Variants in IGF2BP2 observed in about 807,000 individuals in gnomAD.
IGF2BP2 encodes the protein insulin like growth factor 2 mRNA binding protein 2.
IGF2BP2 carries 17 observed loss-of-function variants against 75.8 expected under a neutral mutation model. The observed-to-expected ratio is 0.22, with a 90% CI of 0.15 to 0.34. The LOEUF is 0.34. Ranked by LOEUF, IGF2BP2 falls within the 10% of genes least tolerant of loss-of-function variation. IGF2BP2 has a pLI of 1.00. For missense variants in IGF2BP2, 516 were observed against 772.4 expected (o/e 0.67, Z 3.93); for synonymous variants, 288 against 295.6 (o/e 0.97, Z 0.26).
chr3:185,781,671 G>C (rs1735217569), intron 2 of IGF2BP2, among the ~76,000 whole-genome samples: 1 of 152,136 alleles, frequency 6.6e-6, no homozygotes, highest in Non-Finnish European at 1.5e-5. Flanking sequence ...TATGGGAAAA[G>C]CTCCTCAATC....
intron 7 of IGF2BP2, among the ~76,000 whole-genome samples, chr3:185,676,274 T>A (rs1719333378): frequency 6.6e-6 from 1 of 152,190 alleles, no homozygotes; most frequent in Admixed American, 6.6e-5. Flanking sequence ...GCCACAGGTC[T>A]CTTTCCCCCT....
At position 185,648,433 on chromosome 3, in the gene IGF2BP2, A is replaced by G. The variant is rs1713980837; in HGVS notation, c.1593+970T>C. The stretch of plus-strand genomic sequence containing the variant: ...AGCACAGATGGCACCACTGCACTCC[A>G]GCCTGGGTGACAAGAGCGAAACTCT... On this transcript the variant is annotated intron_variant, in intron 14 of 15. Transcript: ENST00000382199. Among the ~76,000 whole-genome samples, 3 of 150,622 alleles carry G rather than the reference A, an allele frequency of 2.0e-5. No homozygotes were observed. The South Asian group carries it at 6.4e-4, about 32-fold the overall frequency.
At chr3:185,779,847 A>C (rs4376068) in intron 2 of IGF2BP2, among the ~76,000 whole-genome samples, 62,541 of 152,040 alleles carry the variant, frequency 0.41, 14,475 homozygotes, top group African/African-American at 0.65. Flanking sequence ...TTGCCATTAA[A>C]CAATAAAATG....
chr3:185,779,534 C>T (rs1006861320), intron 2 of IGF2BP2, among the ~76,000 whole-genome samples: 1 of 152,182 alleles, frequency 6.6e-6, no homozygotes, highest in South Asian at 2.1e-4. Flanking sequence ...AAAATAACTT[C>T]CACACAATGC....
chr3:185,749,071 G>A lies in IGF2BP2; in HGVS notation c.240-50724C>T, dbSNP rs1406724267. Among the ~76,000 whole-genome samples the A allele has an allele frequency of 2.0e-5, 3 of 152,172 alleles. No individual in the cohort carries two copies. The East Asian group carries it at 5.8e-4, about 29-fold the overall frequency. On this transcript the variant is annotated intron_variant, in intron 2 of 15. Transcript: ENST00000382199. ...CCCAGCTACTTGGGAGGCTGAGGCA[G>A]GAGAATTGCTTGAACCTGGGAGGCA...
chr3:185,658,283 C>A, intron 11 of IGF2BP2, 58 bp downstream of exon 11: 2 of 1,505,190 alleles, frequency 1.3e-6, no homozygotes, highest in Admixed American at 1.7e-5. Context: ...CACCAAGGGC[C>A]AAGTGGGCCT....
At chr3:185,770,607 T>A (rs1057077009) in intron 2 of IGF2BP2, among the ~76,000 whole-genome samples, 2 of 152,168 alleles carry the variant, frequency 1.3e-5, no homozygotes, top group Non-Finnish European at 2.9e-5. Flanking sequence ...GTCTGTTATG[T>A]TTCCCATAGC....
chr3:185,745,788 A>G lies in IGF2BP2; in HGVS notation c.240-47441T>C, dbSNP rs1318261817. ...ACAGTGCACAGCATAGCTGCTGCCC[A>G]ACAGGTTGAAATATCACTCGCACCA... is the stretch of plus-strand genomic sequence containing the variant. On this transcript the variant is annotated intron_variant, in intron 2 of 15. Transcript: ENST00000382199. 2.1e-5 allele frequency among the ~76,000 whole-genome samples: 3 copies of G among 145,724 alleles called. No individual in the cohort carries two copies. The South Asian group carries it at 6.4e-4, about 31-fold the overall frequency.
chr3:185,814,712 T>C (rs935757055), intron 2 of IGF2BP2, among the ~76,000 whole-genome samples: 9 of 152,208 alleles, frequency 5.9e-5, no homozygotes, highest in Admixed American at 1.3e-4. Context: ...ACCTCTTATA[T>C]ATCTCATTTC....
At chr3:185,784,388 T>C (rs918272888) in intron 2 of IGF2BP2, among the ~76,000 whole-genome samples, 1 of 152,198 alleles carries the variant, frequency 6.6e-6, no homozygotes, top group Non-Finnish European at 1.5e-5. Flanking sequence ...TGAGGAACAC[T>C]GACCTGCTGG....
At chr3:185,732,013 T>C (rs1453311080) in intron 2 of IGF2BP2, among the ~76,000 whole-genome samples, 44 of 152,084 alleles carry the variant, frequency 2.9e-4, no homozygotes, top group Non-Finnish European at 1.0e-4. Context: ...GGACTTCTTG[T>C]GGTTTCCGGA....
At chr3:185,744,688 A>T (rs1730012853) in intron 2 of IGF2BP2, among the ~76,000 whole-genome samples, 1 of 152,176 alleles carries the variant, frequency 6.6e-6, no homozygotes. Context: ...CGGCGCCTGT[A>T]ATCTCAGCTA....
At chr3:185,768,791 G>A (rs1294833007) in intron 2 of IGF2BP2, among the ~76,000 whole-genome samples, 1 of 152,204 alleles carries the variant, frequency 6.6e-6, no homozygotes, top group Non-Finnish European at 1.5e-5. Flanking sequence ...CAGCACTTTG[G>A]GAGGCTGAGG....
intron 10 of IGF2BP2, 44 bp downstream of exon 10, chr3:185,672,497 G>A (rs1289673725): frequency 5.6e-6 from 9 of 1,593,854 alleles, no homozygotes; most frequent in South Asian, 2.3e-5. Flanking sequence ...GCTGCCTGGA[G>A]GTGCCCAGCG....
At chr3:185,723,418 G>A (rs1726860514) in intron 2 of IGF2BP2, among the ~76,000 whole-genome samples, 1 of 152,168 alleles carries the variant, frequency 6.6e-6, no homozygotes, top group South Asian at 2.1e-4. Context: ...CATAAACAAG[G>A]ATGCTGCATC....
chr3:185,760,326 T>C (rs1424847705), intron 2 of IGF2BP2, among the ~76,000 whole-genome samples: 2 of 152,192 alleles, frequency 1.3e-5, no homozygotes, highest in Non-Finnish European at 2.9e-5. Context: ...ATCAGTTTTT[T>C]TTTCCCTTCA....
At chr3:185,740,012 T>C (rs1488266947) in intron 2 of IGF2BP2, among the ~76,000 whole-genome samples, 2 of 151,678 alleles carry the variant, frequency 1.3e-5, no homozygotes, top group Non-Finnish European at 2.9e-5. Context: ...TACACCACCA[T>C]ACCTGTCTAA....
intron 5 of IGF2BP2, among the ~76,000 whole-genome samples, chr3:185,691,610 T>C (rs1284596123): frequency 6.6e-6 from 1 of 152,078 alleles, no homozygotes; most frequent in Admixed American, 6.6e-5. Context: ...AAAAAGGAAC[T>C]TGTTTTTGTT....
chr3:185,660,361 G>GC (rs1716222788), intron 10 of IGF2BP2, among the ~76,000 whole-genome samples: 1 of 152,198 alleles, frequency 6.6e-6, no homozygotes, highest in Admixed American at 6.5e-5. Context: ...ACAGTGACAG[G>GC]CAATGCCCTC....
Sources: allele counts gnomAD v4.1 joint callset (sites outside exome capture counted in the v4.1 genomes callset), GRCh38; gene constraint gnomAD v4.1.1; transcripts MANE v1.5; gene names NCBI Gene and HGNC (gene_info 2026-07-23, HGNC 2026-07-21).